Variants in AHNAK2 observed in about 807,000 individuals in gnomAD.
AHNAK2 encodes the protein protein AHNAK2.
AHNAK2 carries 18 observed loss-of-function variants against 30.7 expected under a neutral mutation model. That is an observed-to-expected ratio of 0.59 (90% confidence interval 0.41 to 0.87). The LOEUF is 0.87. Ranked by LOEUF, AHNAK2 falls within the 40% of genes least tolerant of loss-of-function variation. AHNAK2 has a pLI of 0.00. For synonymous variants in AHNAK2, 3,590 were observed against 3,073.8 expected, an observed-to-expected ratio of 1.17 and a Z score of -5.56; for missense variants, 8,604 against 7,373.0, an observed-to-expected ratio of 1.17 and a Z score of -6.11.
chr14:104,943,338 T>C lies in AHNAK2; in HGVS notation c.12113A>G (p.Glu4038Gly). 6.2e-7 allele frequency: 1 copy of C among 1,612,700 alleles called. No homozygotes were observed. The highest frequency in any genetic ancestry group is 8.5e-7 in the Non-Finnish European group (1 of 1,179,516). ...QAGQVDVKLP[E>G]GPVPEGASLK... ...GCTGGCTCCCTCGGGCACGGGGCCC[T>C]CTGGGAGTTTCACGTCCACTTGGCC... Residue 4038 changes from glutamate (E) to glycine (G), a missense_variant, in exon 7 of 7, where the codon GAG (glutamate) becomes GGG (glycine). Coordinates refer to ENST00000333244, the MANE Select transcript of AHNAK2 (RefSeq NM_138420.4).
Position 104,953,916 on chromosome 14 carries a change from T to C in AHNAK2, c.1535A>G (p.Gln512Arg), listed in dbSNP as rs777684208. The C allele has an allele frequency of 2.1e-5, 34 of 1,613,902 alleles. No homozygotes were observed. The South Asian group carries it at 3.3e-4, about 16-fold the overall frequency. The change falls in exon 7 of 7, where the codon CAG becomes CGG. Residue 512 changes from glutamine (Q) to arginine (R), a missense_variant. Transcript: ENST00000333244. The part of the protein sequence containing the change: ...PERERRLSTP[Q>R]RGKRQDASSK... Reference sequence around the variant, plus strand: ...GGACGCATCCTGTCTCTTCCCTCGCTGTGGGGTACTAAGGCGCCTTTCTCT... The same window carrying C: ...GGACGCATCCTGTCTCTTCCCTCGCCGTGGGGTACTAAGGCGCCTTTCTCT...
chr14:104,952,841 G>C lies in AHNAK2; in HGVS notation c.2610C>G (p.Ser870=). The C allele has an allele frequency of 6.2e-7, 1 of 1,612,442 alleles. No homozygotes were observed. The highest frequency in any genetic ancestry group is 8.5e-7 in the Non-Finnish European group (1 of 1,179,604). The change falls in exon 7 of 7, where the codon TCC becomes TCG. Residue 870 remains serine (S), a synonymous_variant. Coordinates refer to ENST00000333244, the MANE Select transcript of AHNAK2 (RefSeq NM_138420.4). The part of the protein sequence containing the change: ...APKVEADVSL[S]SMQGDLKATD... ...TGGCCTTGAGGTCCCCCTGCATGGA[G>C]GAGAGGCTCACGTCGGCCTCCACCT...
rs376002533 is a variant in AHNAK2, at chr14:104,951,912, T to C, written c.3539A>G (p.Lys1180Arg). ...CACATCCACCGAGGCCTCGATGGAC[T>C]TGCCTGGGGCTGACGCCCCGAACGA... is the stretch of plus-strand genomic sequence containing the variant. ...MPSFGASAPGKSIEASVDVSA... is the reference protein window; with the variant it reads ...MPSFGASAPGRSIEASVDVSA... The change falls in exon 7 of 7, where the codon AAG becomes AGG. Residue 1180 changes from lysine (K) to arginine (R), a missense_variant. Lys to Arg is a conservative substitution (Grantham distance 26). Transcript: ENST00000333244. 1.8e-4 allele frequency: 283 copies of C among 1,609,790 alleles called. 4 individuals carry two copies. The highest frequency in any genetic ancestry group is 1.0e-3 in the Middle Eastern group (6 of 6,024).
chr14:104,946,643 G>A lies in AHNAK2; in HGVS notation c.8808C>T (p.Asp2936=), dbSNP rs776425508. 1.3e-4 allele frequency: 214 copies of A among 1,611,798 alleles called. No individual in the cohort carries two copies. The highest frequency in any genetic ancestry group is 4.0e-4 in the Admixed American group (24 of 59,822). ...KGPKAEVTAP[D]VEVSLPSVEV... ...CCACGCTGGGCAGAGACACCTCCACGTCGGGGGCCGTCACCTCCGCCTTGG... is the reference window on the plus strand; with the variant it reads ...CCACGCTGGGCAGAGACACCTCCACATCGGGGGCCGTCACCTCCGCCTTGG... Residue 2936 remains aspartate, a synonymous_variant, in exon 7 of 7, where the codon GAC becomes GAT. Coordinates refer to ENST00000333244, the MANE Select transcript of AHNAK2 (RefSeq NM_138420.4).
At position 104,942,962 on chromosome 14, in the gene AHNAK2, C is replaced by T. The variant is rs775656510; in HGVS notation, c.12489G>A (p.Ala4163=). ...EASVDVSELK[A]KADVSLPSMQ... ...TGGAGGGGAGGCTCACGTCGGCTTT[C>T]GCCTTCAGCTCAGACACATCCACGG... Residue 4163 remains alanine, a synonymous_variant, in exon 7 of 7, where the codon GCG becomes GCA. Transcript: ENST00000333244. 2.9e-5 allele frequency: 47 copies of T among 1,613,198 alleles called. No homozygotes were observed. In the South Asian group the frequency reaches 3.0e-4, roughly 10 times the overall value.
chr14:104,978,183 C>G lies in AHNAK2; in HGVS notation c.55G>C (p.Val19Leu). Reference protein sequence around the residue: ...LPTWPGTPGSVSGRQLQPGEP... With the variant: ...LPTWPGTPGSLSGRQLQPGEP... ...GGGCTGCAGGCGGGGAGGGGCGCAC[C>G]GCTGCCGGGGGTTCCGGGCCAGGTG... Residue 19 changes from valine to leucine, a missense_variant and splice_region_variant, in exon 1 of 7, where the codon GTG (valine) becomes CTG (leucine). Physicochemically the swap from Val to Leu is conservative, Grantham distance 32 (BLOSUM62 1). Transcript: ENST00000333244. The G allele has an allele frequency of 1.6e-6, 2 of 1,213,158 alleles. No homozygotes were observed. Among genetic ancestry groups the G allele is most frequent in the Non-Finnish European group, 2.1e-6 (2 of 975,394 alleles). The allele number at this position is 1,213,158 out of a possible 1,614,324, so 75.1% of individuals were successfully genotyped here. A position where few individuals can be genotyped will look rare whatever the true frequency, so the allele number is the denominator to read the frequency against.
chr14:104,978,234 A>T lies in AHNAK2; in HGVS notation c.4T>A (p.Cys2Ser). The T allele has an allele frequency of 8.3e-7, 1 of 1,207,792 alleles. No individual in the cohort carries two copies. Among genetic ancestry groups the T allele is most frequent in the African/African-American group, 1.6e-5 (1 of 63,446 alleles). 74.8% of individuals were successfully genotyped at this position (1,207,792 alleles called of 1,614,324 possible). A position where few individuals can be genotyped will look rare whatever the true frequency, so the allele number is the denominator to read the frequency against. The change falls in exon 1 of 7, where the codon TGC becomes AGC. Residue 2 changes from cysteine to serine, a missense_variant. By Grantham distance (112) the Cys-to-Ser change is moderately radical. Coordinates refer to ENST00000333244, the MANE Select transcript of AHNAK2 (RefSeq NM_138420.4). ...GGCAGCACCATGTGGAAGCAGTCGC[A>T]CATCGCGGCGGCCAGGCGGTGCGGG... M[C>S]DCFHMVLPTW...
At position 104,946,443 on chromosome 14, in the gene AHNAK2, A is replaced by C. The variant is rs369952794; in HGVS notation, c.9008T>G (p.Val3003Gly). The C allele has an allele frequency of 3.0e-5, 49 of 1,611,984 alleles. No homozygotes were observed. The highest frequency in any genetic ancestry group is 4.0e-5 in the Non-Finnish European group (47 of 1,179,404). ...TTCGGCCTCCACCTTCGGCGCAGAC[A>C]CATCCACCGAGACCTCAATGGACTT... ...PGKSIEVSVD[V>G]SAPKVEAEVS... Residue 3003 changes from valine to glycine, a missense_variant, in exon 7 of 7, where the codon GTG becomes GGG. Physicochemically the swap from Val to Gly is moderately radical, Grantham distance 109. Coordinates refer to ENST00000333244, the MANE Select transcript of AHNAK2 (RefSeq NM_138420.4).
chr14:104,941,905 G>A lies in AHNAK2; in HGVS notation c.13546C>T (p.Pro4516Ser). 6 of 1,613,512 alleles carry A rather than the reference G, an allele frequency of 3.7e-6. No individual in the cohort carries two copies. The highest frequency in any genetic ancestry group is 5.1e-6 in the Non-Finnish European group (6 of 1,179,644). The part of the protein sequence containing the change: ...LKTTDLRIQA[P>S]SADLEVQAGQ... ...GCCTGGACCTCCAGGTCGGCGGAAG[G>A]GGCCTGAATGCGGAGGTCAGTGGTC... Residue 4516 changes from proline (P) to serine (S), a missense_variant, in exon 7 of 7, where the codon CCT becomes TCT. Physicochemically the swap from Pro to Ser is moderately conservative, Grantham distance 74. Coordinates refer to ENST00000333244, the MANE Select transcript of AHNAK2 (RefSeq NM_138420.4).
chr14:104,944,042 G>A lies in AHNAK2; in HGVS notation c.11409C>T (p.Phe3803=), dbSNP rs574372155. The A allele has an allele frequency of 6.2e-7, 1 of 1,613,038 alleles. No individual in the cohort carries two copies. Among genetic ancestry groups the A allele is most frequent in the African/African-American group, 1.3e-5 (1 of 74,790 alleles). The part of the protein sequence containing the change: ...DKDVTAKDSK[F]KMPKFKMPSF... ...ACGGCATCTTGAACTTGGGCATTTT[G>A]AATTTGCTGTCTTTGGCAGTCACAT... Residue 3803 remains phenylalanine, a synonymous_variant, in exon 7 of 7, where the codon TTC becomes TTT. Transcript: ENST00000333244.
Position 104,948,401 on chromosome 14 carries a change from G to C in AHNAK2, c.7050C>G (p.Ala2350=), listed in dbSNP as rs148170366. Residue 2350 remains alanine, a synonymous_variant, in exon 7 of 7, where the codon GCC becomes GCG. Transcript: ENST00000333244. ...SADVSALKVE[A]DVSLPSMQGD... Reference sequence around the variant, plus strand: ...CCTGCATGGAGGGGAGGCTCACGTCGGCCTCCACCTTCAACGCAGACACAT... The same window carrying C: ...CCTGCATGGAGGGGAGGCTCACGTCCGCCTCCACCTTCAACGCAGACACAT... The C allele has an allele frequency of 5.0e-6, 8 of 1,612,206 alleles. No homozygotes were observed. In the African/African-American group the frequency reaches 5.4e-5, roughly 11 times the overall value.
In AHNAK2 at chr14:104,952,518, G is replaced by A. The variant is rs1442280714; in HGVS notation, c.2933C>T (p.Ala978Val). The A allele has an allele frequency of 6.2e-6, 10 of 1,612,660 alleles. No individual in the cohort carries two copies. Among genetic ancestry groups the A allele is most frequent in the East Asian group, 2.2e-5 (1 of 44,782 alleles). ...CAGGGACAGGTCCCCCTCCAGCCAC[G>A]CACCATCCAGCTTGGCCTTCTGGGC... ...VQAQKAKLDG[A>V]WLEGDLSLAD... Residue 978 changes from alanine (A) to valine (V), a missense_variant, in exon 7 of 7, where the codon GCG becomes GTG. Coordinates refer to ENST00000333244, the MANE Select transcript of AHNAK2 (RefSeq NM_138420.4).
In AHNAK2 at chr14:104,941,098, A is replaced by C. The variant is rs1270999849; in HGVS notation, c.14353T>G (p.Ser4785Ala). ...TGPHFESSILSPCEDVTLTKY... is the reference protein window; with the variant it reads ...TGPHFESSILAPCEDVTLTKY... The stretch of plus-strand genomic sequence containing the variant: ...GTAAGTGTAACATCCTCACAGGGAG[A>C]GAGAATAGAAGATTCAAAGTGAGGA... Residue 4785 changes from serine (S) to alanine (A), a missense_variant, in exon 7 of 7, where the codon TCT becomes GCT. Ser to Ala is a moderately conservative substitution (Grantham distance 99). Coordinates refer to ENST00000333244, the MANE Select transcript of AHNAK2 (RefSeq NM_138420.4). 1.2e-6 allele frequency: 2 copies of C among 1,613,588 alleles called. No individual in the cohort carries two copies. Among genetic ancestry groups the C allele is most frequent in the African/African-American group, 2.7e-5 (2 of 74,918 alleles).
In AHNAK2 at chr14:104,954,420, CT is replaced by C. The variant is rs759576718; in HGVS notation, c.1030del (p.Arg344GlyfsTer44). The C allele has an allele frequency of 2.5e-6, 4 of 1,612,864 alleles. No homozygotes were observed. The South Asian group carries it at 4.4e-5, about 18-fold the overall frequency. ...QGPSSTGQPGRGFQSGVGRAG... is the reference protein window; with the variant it reads ...QGPSSTGQPGXGFQSGVGRAG... The stretch of plus-strand genomic sequence containing the variant: ...ACGGCCCACCCCACTCTGGAACCCC[CT>C]GCCTGGCTGTCCTGTCGATGAAGGG... On this transcript the variant is annotated frameshift_variant, in exon 7 of 7. Transcript: ENST00000333244. LOFTEE classifies it low-confidence loss of function (END_TRUNC). This position sits in a 1 kb window ranked among gnomAD's most constrained non-coding sequence, Gnocchi z 4.3.
rs35374867 is a variant in AHNAK2 at position 104,951,939 on chromosome 14, G to C, written c.3512C>G (p.Pro1171Arg). Residue 1171 changes from proline to arginine, a missense_variant, in exon 7 of 7, where the codon CCA becomes CGA. Physicochemically the swap from Pro to Arg is moderately radical, Grantham distance 103 (BLOSUM62 -2). Coordinates refer to ENST00000333244, the MANE Select transcript of AHNAK2 (RefSeq NM_138420.4). ...GCCTGGGGCTGACGCCCCGAACGAT[G>C]GCATCTTGAACTTGGGCATTTTGAA... ...SRFKMPKFKM[P>R]SFGASAPGKS... 2.2e-5 allele frequency: 35 copies of C among 1,610,596 alleles called. No homozygotes were observed. In the East Asian group the frequency reaches 7.6e-4, roughly 35 times the overall value.
At position 104,946,080 on chromosome 14, in the gene AHNAK2, C is replaced by T. The variant is rs764799404; in HGVS notation, c.9371G>A (p.Arg3124Gln). 4.0e-5 allele frequency: 64 copies of T among 1,609,862 alleles called. No individual in the cohort carries two copies. Among genetic ancestry groups the T allele is most frequent in the Non-Finnish European group, 4.7e-5 (55 of 1,178,520 alleles). ...GGCCAGGGACAGGTCCCCCTCCAGCCGTGCACCATCCAACTTGGCTCCTGG... is the reference window on the plus strand; with the variant it reads ...GGCCAGGGACAGGTCCCCCTCCAGCTGTGCACCATCCAACTTGGCTCCTGG... ...EAPGAKLDGA[R>Q]LEGDLSLADK... Residue 3124 changes from arginine to glutamine, a missense_variant, in exon 7 of 7, where the codon CGG becomes CAG. Arg to Gln is a conservative substitution (Grantham distance 43). Transcript: ENST00000333244.
chr14:104,961,240 C>A (rs533679330), intron 1 of AHNAK2, among the ~76,000 whole-genome samples: 3 of 151,902 alleles, frequency 2.0e-5, no homozygotes, highest in Non-Finnish European at 4.4e-5. Context: ...GTGGGCCGGG[C>A]ACGGTGGCTC....
chr14:104,952,192 G>A lies in AHNAK2; in HGVS notation c.3259C>T (p.Pro1087Ser), dbSNP rs375049450. The A allele has an allele frequency of 3.4e-5, 55 of 1,612,326 alleles. No homozygotes were observed. Among genetic ancestry groups the A allele is most frequent in the Non-Finnish European group, 4.5e-5 (53 of 1,179,592 alleles). ...GCCACTTTGGGCATCTTGAAACTGG[G>A]CATCTCCACCTTGGGCAAGTGCCCT... ...LKGHLPKVEM[P>S]SFKMPKVALK... Residue 1087 changes from proline (P) to serine (S), a missense_variant, in exon 7 of 7, where the codon CCC becomes TCC. By Grantham distance (74) the Pro-to-Ser change is moderately conservative. Coordinates refer to ENST00000333244, the MANE Select transcript of AHNAK2 (RefSeq NM_138420.4).
At position 104,948,228 on chromosome 14, in the gene AHNAK2, CTGGGCATCTGCAGCT is replaced by C; in HGVS notation, c.7208_7222del (p.Lys2403_Pro2407del). The C allele has an allele frequency of 6.2e-7, 1 of 1,612,764 alleles. No homozygotes were observed. The highest frequency in any genetic ancestry group is 1.7e-4 in the Middle Eastern group (1 of 6,046). On this transcript the variant is annotated inframe_deletion, in exon 7 of 7. Transcript: ENST00000333244. ...GAGATCTACTTTGGGCATCTTGAAA[CTGGGCATCTGCAGCT>C]TGGGCAGGTGCCCTTTGAGGCCGGC...
Sources: allele counts gnomAD v4.1 joint callset (sites outside exome capture counted in the v4.1 genomes callset), GRCh38; gene constraint gnomAD v4.1.1; non-coding constraint Gnocchi (gnomAD v3.1); transcripts MANE v1.5; gene names NCBI Gene and HGNC (gene_info 2026-07-23, HGNC 2026-07-21).